The following FBXO32 variants were observed in gnomAD, a reference collection of about 807,000 sequenced individuals.
FBXO32 encodes F-box protein 32.
A neutral mutation model predicts 48.3 loss-of-function variants in FBXO32; 15 were observed. That is an observed-to-expected ratio of 0.31 (90% CI 0.21 to 0.48). The LOEUF is 0.48. Ranked by LOEUF, FBXO32 falls within the 20% of genes least tolerant of loss-of-function variation. FBXO32 has a pLI of 0.99. For missense variants in FBXO32, 309 were observed against 432.7 expected, an observed-to-expected ratio of 0.71 and a Z score of 2.54; for synonymous variants, 154 against 165.9, an observed-to-expected ratio of 0.93 and a Z score of 0.55.
At chr8:123,527,570 A>G (rs1426173113) in intron 4 of FBXO32, among the ~76,000 whole-genome samples, 2 of 152,164 alleles carry the variant, frequency 1.3e-5, no homozygotes, top group Admixed American at 6.5e-5. Flanking sequence ...AAGGACCTCA[A>G]AAGTTCCATT....
chr8:123,515,405 GT>G (rs748861766), intron 4 of FBXO32, among the ~76,000 whole-genome samples: 186 of 139,336 alleles, frequency 1.3e-3, no homozygotes, highest in Middle Eastern at 7.4e-3. Context: ...CTGGCTAACA[GT>G]TTTTTTTTTT....
At chr8:123,520,687 A>C (rs1816934668) in intron 4 of FBXO32, among the ~76,000 whole-genome samples, 1 of 152,198 alleles carries the variant, frequency 6.6e-6, no homozygotes, top group Non-Finnish European at 1.5e-5. Context: ...CAGGCTTCTT[A>C]CGTCTTCTTC....
intron 6 of FBXO32, among the ~76,000 whole-genome samples, chr8:123,512,030 G>C (rs1816745207): frequency 1.3e-5 from 2 of 152,150 alleles, no homozygotes; most frequent in East Asian, 1.9e-4. Context: ...TGAGATGTGG[G>C]AATGGGGTAA....
At chr8:123,537,933 G>C (rs978242001) in intron 1 of FBXO32, among the ~76,000 whole-genome samples, 13 of 152,082 alleles carry the variant, frequency 8.5e-5, no homozygotes, top group African/African-American at 3.1e-4. Context: ...TGGGCGGTGA[G>C]GGGGTGGTTG....
Position 123,503,476 on chromosome 8 carries a change from C to A in FBXO32, c.979-14G>T, listed in dbSNP as rs777807730. 3 of 1,611,338 alleles carry A rather than the reference C, an allele frequency of 1.9e-6. No individual in the cohort carries two copies. The highest frequency in any genetic ancestry group is 2.2e-5 in the South Asian group (2 of 90,796). The stretch of plus-strand genomic sequence containing the variant: ...ATGGTCAGTGCCCTGGAAAGGAACA[C>A]ATGGTTAGCTTCAAGTTCTCAGAGG... On this transcript the variant is annotated splice_polypyrimidine_tract_variant and intron_variant, in intron 8 of 8. Coordinates refer to ENST00000517956, the MANE Select transcript of FBXO32 (RefSeq NM_058229.4).
At chr8:123,539,486 T>A (rs1398165100) in intron 1 of FBXO32, among the ~76,000 whole-genome samples, 1 of 152,200 alleles carries the variant, frequency 6.6e-6, no homozygotes, top group Non-Finnish European at 1.5e-5. Flanking sequence ...TAAATAAGAT[T>A]TCCTTATGGT....
At chr8:123,531,023 A>C (rs1351494757) in intron 4 of FBXO32, among the ~76,000 whole-genome samples, 3 of 122,988 alleles carry the variant, frequency 2.4e-5, no homozygotes, top group African/African-American at 9.8e-5. Context: ...CCTGTTGCCC[A>C]GGCTGGAGTG....
Position 123,506,774 on chromosome 8 carries a change from G to A in FBXO32, c.652-200C>T, listed in dbSNP as rs1037076604. ...TGACCCTCAATGAAGTGTGGAGTGC[G>A]CTGAGCTGAGTGGTGCCAGAGGGAT... On this transcript the variant is annotated intron_variant, in intron 6 of 8. Coordinates refer to ENST00000517956, the MANE Select transcript of FBXO32 (RefSeq NM_058229.4). The surrounding 1 kb of genome is among the most constrained non-coding windows in gnomAD (Gnocchi z 4.0). The A allele has an allele frequency of 5.1e-5, 30 of 586,520 alleles. No homozygotes were observed. Among genetic ancestry groups the A allele is most frequent in the South Asian group, 4.3e-4 (20 of 46,736 alleles). The allele number at this position is 586,520 out of a possible 1,614,324, so 36.3% of individuals were successfully genotyped here.
intron 1 of FBXO32, among the ~76,000 whole-genome samples, chr8:123,537,468 A>G (rs1817329827): frequency 6.6e-6 from 1 of 152,210 alleles, no homozygotes; most frequent in Non-Finnish European, 1.5e-5. Context: ...CAGACCATAA[A>G]TAAGTCTGTT....
chr8:123,521,322 G>A (rs918292564), intron 4 of FBXO32, among the ~76,000 whole-genome samples: 1 of 152,220 alleles, frequency 6.6e-6, no homozygotes, highest in Non-Finnish European at 1.5e-5. Context: ...TCAGGAAACA[G>A]TTTACCCGAA....
chr8:123,531,065 T>C (rs1411938579), intron 4 of FBXO32, among the ~76,000 whole-genome samples: 1 of 140,738 alleles, frequency 7.1e-6, no homozygotes, highest in Non-Finnish European at 1.5e-5. Context: ...CTGCAATGTC[T>C]GCCTCCCGGG....
chr8:123,530,972 ATTTTTT>A (rs35151201), intron 4 of FBXO32, among the ~76,000 whole-genome samples: 2 of 69,002 alleles, frequency 2.9e-5, no homozygotes, highest in East Asian at 4.8e-4. Context: ...ATCCAGTCAG[ATTTTTT>A]TTTTTTTTTT....
chr8:123,504,356 A>G (rs532253875), intron 8 of FBXO32, among the ~76,000 whole-genome samples: 7 of 152,264 alleles, frequency 4.6e-5, no homozygotes, highest in Admixed American at 4.6e-4. Context: ...ACACACAGAG[A>G]GAGGAGGATT....
chr8:123,511,843 C>T (rs1050350327), intron 6 of FBXO32, among the ~76,000 whole-genome samples: 4 of 152,112 alleles, frequency 2.6e-5, no homozygotes, highest in African/African-American at 7.2e-5. Flanking sequence ...ACATGGGACC[C>T]GCTTGTTTAT....
intron 7 of FBXO32, among the ~76,000 whole-genome samples, chr8:123,505,810 T>C (rs959637554): frequency 6.6e-6 from 1 of 152,166 alleles, no homozygotes; most frequent in Admixed American, 6.5e-5. Flanking sequence ...AAAAAAAGGA[T>C]GGGTGCCAAT....
In FBXO32 at chr8:123,501,589, A is replaced by G. The variant is rs988130940; in HGVS notation, c.*1784T>C. On this transcript the variant is annotated 3_prime_UTR_variant, in exon 9 of 9. Coordinates refer to ENST00000517956, the MANE Select transcript of FBXO32 (RefSeq NM_058229.4). The stretch of plus-strand genomic sequence containing the variant: ...CAAACATTGCAAAGTGAGGAGCACT[A>G]AACAGTAGGTTCCTTCTCTTCAGAA... The G allele has an allele frequency of 2.6e-5, 4 of 152,194 alleles. No homozygotes were observed. The highest frequency in any genetic ancestry group is 5.9e-5 in the Non-Finnish European group (4 of 68,028). The allele number at this position is 152,194 out of a possible 1,614,324, so 9.4% of individuals were successfully genotyped here. A position where few individuals can be genotyped will look rare whatever the true frequency, so the allele number is the denominator to read the frequency against.
Position 123,506,156 on chromosome 8 carries a change from G to A in FBXO32, c.834+236C>T, listed in dbSNP as rs1349979711. Among the ~76,000 whole-genome samples the A allele has an allele frequency of 6.6e-6, 1 of 152,208 alleles. No homozygotes were observed. Among genetic ancestry groups the A allele is most frequent in the East Asian group, 1.9e-4 (1 of 5,192 alleles). ...AGGTGGGAGGGTTGCTTGAGCCCAA[G>A]TGGCTGAGGTTACAGTGAGCTATGA... is the stretch of plus-strand genomic sequence containing the variant. On this transcript the variant is annotated intron_variant, in intron 7 of 8. Coordinates refer to ENST00000517956, the MANE Select transcript of FBXO32 (RefSeq NM_058229.4). This position sits in a 1 kb window ranked among gnomAD's most constrained non-coding sequence, Gnocchi z 4.0.
At chr8:123,521,470 A>G (rs2130533634) in intron 4 of FBXO32, among the ~76,000 whole-genome samples, 1 of 152,364 alleles carries the variant, frequency 6.6e-6, no homozygotes, top group East Asian at 1.9e-4. Context: ...GCATGGGCCT[A>G]GGAGTAAATT....
Position 123,506,284 on chromosome 8 carries a change from C to G in FBXO32, c.834+108G>C, listed in dbSNP as rs2130501844. 1.6e-6 allele frequency: 2 copies of G among 1,237,962 alleles called. No homozygotes were observed. Among genetic ancestry groups the G allele is most frequent in the South Asian group, 2.7e-5 (2 of 72,828 alleles). 76.7% of individuals were successfully genotyped at this position (1,237,962 alleles called of 1,614,324 possible). ...GTCATTTTTCAGTCAAACCAGGGAA[C>G]CTGGAATAGGGGGAACCCAGACCTC... On this transcript the variant is annotated intron_variant, in intron 7 of 8. Coordinates refer to ENST00000517956, the MANE Select transcript of FBXO32 (RefSeq NM_058229.4). This position sits in a 1 kb window ranked among gnomAD's most constrained non-coding sequence, Gnocchi z 4.0.
Sources: allele counts gnomAD v4.1 joint callset (sites outside exome capture counted in the v4.1 genomes callset), GRCh38; gene constraint gnomAD v4.1.1; non-coding constraint Gnocchi (gnomAD v3.1); transcripts MANE v1.5; gene names NCBI Gene and HGNC (gene_info 2026-07-23, HGNC 2026-07-21).